Variants in RELN observed in about 807,000 individuals in gnomAD.
RELN encodes the protein reelin.
RELN carries 108 observed loss-of-function variants against 427.6 expected under a neutral mutation model. The ratio of observed to expected loss-of-function variants is 0.25; its 90% CI spans 0.22 to 0.30. RELN has a LOEUF of 0.30. RELN is among the 10% of genes least tolerant of loss of function. The pLI is 1.00. For synonymous variants in RELN, 1,524 were observed against 1,513.4 expected (o/e 1.01, Z -0.16); for missense variants, 3,715 against 4,302.8 (o/e 0.86, Z 3.82).
intron 1 of RELN, among the ~76,000 whole-genome samples, chr7:103,948,136 C>G (rs1796257071): frequency 6.6e-6 from 1 of 152,076 alleles, no homozygotes; most frequent in Non-Finnish European, 1.5e-5. Flanking sequence ...TGTCTATAAC[C>G]ATTATAATCA....
rs912990712 is a variant in RELN, at chr7:103,652,757, A to G, written c.1557T>C (p.Val519=). Residue 519 remains valine, a splice_region_variant and synonymous_variant, in exon 14 of 65, where the codon GTT becomes GTC. Coordinates refer to ENST00000428762, the MANE Select transcript of RELN (RefSeq NM_005045.4). The part of the protein sequence containing the change: ...LDTLSYSSYK[V]PSLVSVVINP... The stretch of plus-strand genomic sequence containing the variant: ...TGATGACCACAGAAACCAAAGACGG[A>G]ACCTTTCAAACAAAGGAGACCAGAA... The G allele has an allele frequency of 1.9e-6, 3 of 1,612,490 alleles. No individual in the cohort carries two copies. Among genetic ancestry groups the G allele is most frequent in the Non-Finnish European group, 2.5e-6 (3 of 1,179,004 alleles).
chr7:103,922,683 A>G (rs766831947), intron 1 of RELN, among the ~76,000 whole-genome samples: 1 of 152,212 alleles, frequency 6.6e-6, no homozygotes, highest in Non-Finnish European at 1.5e-5. Context: ...TATAGCTTCT[A>G]TTAAACATTC....
At chr7:103,628,940 C>G (rs970244410) in intron 20 of RELN, among the ~76,000 whole-genome samples, 1 of 152,102 alleles carries the variant, frequency 6.6e-6, no homozygotes, top group Admixed American at 6.5e-5. Context: ...TCTTGGTTTC[C>G]TTGACACTCA....
At chr7:103,836,271 G>T (rs1462283062) in intron 2 of RELN, among the ~76,000 whole-genome samples, 1 of 152,034 alleles carries the variant, frequency 6.6e-6, no homozygotes, top group Non-Finnish European at 1.5e-5. Flanking sequence ...ACCTCATATT[G>T]TTTGTAGCTG....
chr7:103,524,410 T>C (rs1422830503), intron 46 of RELN, among the ~76,000 whole-genome samples: 1 of 152,182 alleles, frequency 6.6e-6, no homozygotes, highest in Non-Finnish European at 1.5e-5. Flanking sequence ...TAAGTAAAGC[T>C]AAAACAGAGG....
intron 1 of RELN, among the ~76,000 whole-genome samples, chr7:103,932,731 G>A (rs1195225517): frequency 6.6e-6 from 1 of 152,178 alleles, no homozygotes; most frequent in Non-Finnish European, 1.5e-5. Context: ...ACCAAAGTGG[G>A]CAACTGAAAC....
chr7:103,641,610 A>C (rs1832695140), intron 16 of RELN, among the ~76,000 whole-genome samples: 1 of 152,196 alleles, frequency 6.6e-6, no homozygotes, highest in Non-Finnish European at 1.5e-5. Flanking sequence ...TATCCTGTCT[A>C]ACCCTCAATA....
intron 51 of RELN, 116 bp downstream of exon 51, chr7:103,510,735 T>A: frequency 2.4e-6 from 2 of 826,454 alleles, no homozygotes. Flanking sequence ...AATAGTAAAT[T>A]TTACTTTTCA....
intron 43 of RELN, among the ~76,000 whole-genome samples, chr7:103,542,457 A>G (rs546719559): frequency 1.3e-4 from 20 of 152,354 alleles, no homozygotes; most frequent in African/African-American, 4.3e-4. Context: ...AAACATTGTT[A>G]CTTCCTAATC....
chr7:103,596,453 T>C lies in RELN; in HGVS notation c.3539+3A>G, dbSNP rs923246126. On this transcript the variant is annotated splice_donor_region_variant and intron_variant, in intron 25 of 64. Transcript: ENST00000428762. ...ATGCGAGGACCATCAGGTGGGTAGT[T>C]ACCTGGGTTTGCTGAAGTCTGAAAA... 6.2e-7 allele frequency: 1 copy of C among 1,612,364 alleles called. No homozygotes were observed. Among genetic ancestry groups the C allele is most frequent in the Non-Finnish European group, 8.5e-7 (1 of 1,178,842 alleles).
intron 3 of RELN, among the ~76,000 whole-genome samples, chr7:103,804,106 G>A (rs1260034227): frequency 6.6e-6 from 1 of 151,950 alleles, no homozygotes; most frequent in African/African-American, 2.4e-5. Flanking sequence ...ATCTTGCAGA[G>A]GGAAAAAATT....
intron 32 of RELN, 56 bp from the exon 33 acceptor site, chr7:103,566,468 T>C (rs1421382803): frequency 6.3e-7 from 1 of 1,588,082 alleles, no homozygotes; most frequent in African/African-American, 1.3e-5. Flanking sequence ...GCAATATGAA[T>C]ATCTTCATGA....
rs376587513 is a variant in RELN, at chr7:103,542,988, C to T, written c.6524-110G>A. The T allele has an allele frequency of 2.1e-5, 23 of 1,102,724 alleles. No individual in the cohort carries two copies. In the African/African-American group the frequency reaches 3.1e-4, roughly 15 times the overall value. The allele number at this position is 1,102,724 out of a possible 1,614,324, so 68.3% of individuals were successfully genotyped here. A position where few individuals can be genotyped will look rare whatever the true frequency, so the allele number is the denominator to read the frequency against. On this transcript the variant is annotated intron_variant, in intron 42 of 64. Transcript: ENST00000428762. ...ATTATGTAGTTTCAAAATATGAAGT[C>T]ATAAATATTAAAGTCATGTTTTAGG...
chr7:103,662,963 GTAC>G (rs1312560794), intron 11 of RELN, among the ~76,000 whole-genome samples: 1 of 152,072 alleles, frequency 6.6e-6, no homozygotes, highest in Non-Finnish European at 1.5e-5. Flanking sequence ...CTCTCGCCTT[GTAC>G]CATGTCTCTT....
chr7:103,717,866 G>A (rs56364137), intron 8 of RELN, among the ~76,000 whole-genome samples: 32,077 of 151,966 alleles, frequency 0.21, 4,519 homozygotes, highest in African/African-American at 0.4. Context: ...AGATATGGAG[G>A]AATCGATTTC....
chr7:103,769,851 G>A (rs75749607), intron 4 of RELN, among the ~76,000 whole-genome samples: 3 of 152,068 alleles, frequency 2.0e-5, no homozygotes, highest in Non-Finnish European at 2.9e-5. Context: ...TAGCACTCTC[G>A]AAATCACAAT....
intron 31 of RELN, among the ~76,000 whole-genome samples, chr7:103,570,430 T>A (rs1377385159): frequency 6.6e-6 from 1 of 152,264 alleles, no homozygotes; most frequent in Non-Finnish European, 1.5e-5. Flanking sequence ...TATTTTTGAA[T>A]CTAAATCAGC....
intron 2 of RELN, among the ~76,000 whole-genome samples, chr7:103,892,804 A>G (rs978629352): frequency 1.1e-4 from 16 of 152,186 alleles, no homozygotes; most frequent in Admixed American, 6.5e-4. Context: ...TATCACTCTG[A>G]AACTAGGATC....
chr7:103,508,343 A>G (rs1368445977), intron 51 of RELN, among the ~76,000 whole-genome samples: 1 of 152,234 alleles, frequency 6.6e-6, no homozygotes, highest in Non-Finnish European at 1.5e-5. Flanking sequence ...CCTGGGATAC[A>G]AGGCTGGTTC....
Sources: allele counts gnomAD v4.1 joint callset (sites outside exome capture counted in the v4.1 genomes callset), GRCh38; gene constraint gnomAD v4.1.1; transcripts MANE v1.5; gene names NCBI Gene and HGNC (gene_info 2026-07-23, HGNC 2026-07-21).